The following ABCA13 variants were observed in gnomAD, a reference collection of about 807,000 sequenced individuals.
ABCA13 encodes ATP binding cassette subfamily A member 13.
A neutral mutation model predicts 478.7 loss-of-function variants in ABCA13; 476 were observed. The observed-to-expected ratio is 0.99, with a 90% CI of 0.92 to 1.07. ABCA13 has a LOEUF of 1.07. Among genes scored for constraint, ABCA13 ranks in the 50% least tolerant of loss-of-function variants. The probability of loss-of-function intolerance (pLI) is 0.00; values close to 1 mark genes in which losing one functional copy is unlikely to be tolerated. For synonymous variants in ABCA13, 2,252 were observed against 2,158.9 expected, an observed-to-expected ratio of 1.04 and a Z score of -1.20; for missense variants, 6,060 against 5,910.6, an observed-to-expected ratio of 1.03 and a Z score of -0.83.
In ABCA13 at chr7:48,353,353, T is replaced by C. The variant is rs528886774; in HGVS notation, c.10688+866T>C. ...AGGTCATTCATTTGCAATCCCTGCA[T>C]GCTGGCTCTGATGCAGGGCCTCAGG... On this transcript the variant is annotated intron_variant, in intron 31 of 61. Transcript: ENST00000435803. 5.2e-4 allele frequency among the ~76,000 whole-genome samples: 79 copies of C among 151,764 alleles called. 4 individuals are homozygous for C. The highest frequency in any genetic ancestry group is 1.9e-3 in the African/African-American group (77 of 41,182).
At position 48,278,119 on chromosome 7, in the gene ABCA13, G is replaced by T; in HGVS notation, c.6925G>T (p.Glu2309Ter). 1 of 1,352,254 alleles carries T rather than the reference G, an allele frequency of 7.4e-7. No homozygotes were observed. The highest frequency in any genetic ancestry group is 9.7e-7 in the Non-Finnish European group (1 of 1,026,758). The allele number at this position is 1,352,254 out of a possible 1,614,324, so 83.8% of individuals were successfully genotyped here. A position where few individuals can be genotyped will look rare whatever the true frequency, so the allele number is the denominator to read the frequency against. ...MSFVPKDKIL[E>*]ILKLDQFLTL... Reference sequence around the variant, plus strand: ...TTTTGTCCCAAAAGATAAAATTCTAGAAATTCTGAAACTGGATCAATTTCT... The same window carrying T: ...TTTTGTCCCAAAAGATAAAATTCTATAAATTCTGAAACTGGATCAATTTCT... Residue 2309 changes from glutamate to a stop codon, truncating the protein, a stop_gained, in exon 18 of 62, where the codon GAA becomes TAA. Transcript: ENST00000435803. LOFTEE classifies it high-confidence loss of function.
At chr7:48,476,821 G>A (rs936382824) in intron 45 of ABCA13, among the ~76,000 whole-genome samples, 1 of 152,082 alleles carries the variant, frequency 6.6e-6, no homozygotes, top group Admixed American at 6.6e-5. Context: ...AAATAAATAT[G>A]CATAAGGCAT....
At chr7:48,245,005 C>T (rs10240077) in intron 11 of ABCA13, among the ~76,000 whole-genome samples, 12,260 of 152,196 alleles carry the variant, frequency 0.081, 621 homozygotes, top group East Asian at 0.2. Context: ...ACGGCAGCAT[C>T]TGTGGTTTTC....
intron 41 of ABCA13, among the ~76,000 whole-genome samples, chr7:48,413,566 C>T (rs1026667643): frequency 1.3e-5 from 2 of 152,036 alleles, no homozygotes; most frequent in African/African-American, 2.4e-5. Flanking sequence ...TAAAATGTCA[C>T]GGGTTTTCAA....
intron 1 of ABCA13, among the ~76,000 whole-genome samples, chr7:48,187,356 T>A (rs372925536): frequency 2.6e-5 from 4 of 151,688 alleles, no homozygotes; most frequent in East Asian, 3.9e-4. Flanking sequence ...GGCCGTAGTT[T>A]AACTACAGCT....
At chr7:48,617,979 A>G (rs1257344816) in intron 59 of ABCA13, among the ~76,000 whole-genome samples, 2 of 152,194 alleles carry the variant, frequency 1.3e-5, no homozygotes, top group African/African-American at 4.8e-5. Flanking sequence ...AAATTTCCCA[A>G]ACCAAAGAAC....
intron 44 of ABCA13, among the ~76,000 whole-genome samples, chr7:48,469,640 C>G (rs775435585): frequency 1.3e-5 from 2 of 151,934 alleles, no homozygotes; most frequent in Non-Finnish European, 2.9e-5. Context: ...AGAGCTTCTG[C>G]CTCTGTCTTC....
chr7:48,480,954 A>C, intron 45 of ABCA13, 82 bp from the exon 46 acceptor site: 1 of 834,536 alleles, frequency 1.2e-6, no homozygotes. Context: ...GAGAACAATC[A>C]CATGTAGTTT....
chr7:48,191,796 C>T (rs1190774872), intron 1 of ABCA13, among the ~76,000 whole-genome samples: 1 of 152,180 alleles, frequency 6.6e-6, no homozygotes, highest in Non-Finnish European at 1.5e-5. Flanking sequence ...CTTTAGGCCA[C>T]TCATCTGGTC....
chr7:48,411,310 T>TTTTCTTTTCTTTTCTTTTC lies in ABCA13; in HGVS notation c.12228+650_12228+651insTCTTTCTTTTCTTTTCTTT, dbSNP rs1554500227. ...TCCTTCCTTCTTTTCTTTTCTTTTC[T>TTTTCTTTTCTTTTCTTTTC]TTTCTTTTCTTTTCTTTCAATGGAG... On this transcript the variant is annotated intron_variant, in intron 40 of 61. Transcript: ENST00000435803. Among the ~76,000 whole-genome samples, 222 of 121,924 alleles carry TTTTCTTTTCTTTTCTTTTC rather than the reference T, an allele frequency of 1.8e-3. 9 individuals carry two copies. The highest frequency in any genetic ancestry group is 3.8e-3 in the Middle Eastern group (1 of 266). The allele number at this position is 121,924 out of a possible 152,430, so 80.0% of individuals were successfully genotyped here.
intron 51 of ABCA13, among the ~76,000 whole-genome samples, chr7:48,515,972 G>A (rs568817830): frequency 2.0e-5 from 3 of 152,094 alleles, no homozygotes; most frequent in Non-Finnish European, 4.4e-5. Flanking sequence ...TCAGGCCCAC[G>A]TACAACCCGT....
intron 48 of ABCA13, among the ~76,000 whole-genome samples, chr7:48,501,251 T>G (rs1830715801): frequency 6.6e-6 from 1 of 152,136 alleles, no homozygotes; most frequent in Non-Finnish European, 1.5e-5. Context: ...CTAAACACTG[T>G]GGTCTAAGCC....
At chr7:48,187,340 T>G (rs1458802225) in intron 1 of ABCA13, among the ~76,000 whole-genome samples, 1 of 151,106 alleles carries the variant, frequency 6.6e-6, no homozygotes, top group African/African-American at 2.4e-5. Flanking sequence ...TAGCTTGAAG[T>G]TTAATGGCCG....
chr7:48,428,004 G>A (rs1028757863), intron 42 of ABCA13, 133 bp downstream of exon 42: 7 of 541,468 alleles, frequency 1.3e-5, no homozygotes, highest in African/African-American at 1.2e-4. Context: ...TAGTGAGGGG[G>A]CAAGTAAATA....
chr7:48,336,970 G>A (rs570868868), intron 28 of ABCA13, among the ~76,000 whole-genome samples: 1 of 152,162 alleles, frequency 6.6e-6, no homozygotes, highest in South Asian at 2.1e-4. Context: ...ATAAAACAGT[G>A]CCTAACTCGG....
At chr7:48,250,313 T>C (rs1792351482) in intron 15 of ABCA13, among the ~76,000 whole-genome samples, 2 of 152,162 alleles carry the variant, frequency 1.3e-5, no homozygotes, top group South Asian at 4.1e-4. Flanking sequence ...AGGCATGATA[T>C]ATTAAATCAC....
At chr7:48,228,003 C>T (rs1205235559) in intron 6 of ABCA13, among the ~76,000 whole-genome samples, 6 of 152,186 alleles carry the variant, frequency 3.9e-5, no homozygotes, top group Non-Finnish European at 5.9e-5. Context: ...CATCCCTTCC[C>T]GTGGTGGGCT....
At position 48,520,033 on chromosome 7, in the gene ABCA13, C is replaced by T; in HGVS notation, c.13798-8C>T. 1.3e-6 allele frequency: 2 copies of T among 1,576,774 alleles called. No homozygotes were observed. The highest frequency in any genetic ancestry group is 1.8e-5 in the Admixed American group (1 of 54,544). On this transcript the variant is annotated splice_polypyrimidine_tract_variant and splice_region_variant and intron_variant, in intron 52 of 61. Transcript: ENST00000435803. ...AATTGGATTTTTTTTCTTTTTTTCA[C>T]TGTGCAGAATTTACAGAATATCTAT...
At chr7:48,363,909 AG>A (rs1811272737) in intron 31 of ABCA13, among the ~76,000 whole-genome samples, 1 of 152,192 alleles carries the variant, frequency 6.6e-6, no homozygotes, top group African/African-American at 2.4e-5. Context: ...GTTGACAAAA[AG>A]TATGTTCACT....
Sources: allele counts gnomAD v4.1 joint callset (sites outside exome capture counted in the v4.1 genomes callset), GRCh38; gene constraint gnomAD v4.1.1; transcripts MANE v1.5; gene names NCBI Gene and HGNC (gene_info 2026-07-23, HGNC 2026-07-21).